Variants in CHGA observed in about 807,000 individuals in gnomAD.
The protein encoded by CHGA is chromogranin A.
In CHGA, 41 loss-of-function variants were observed where a neutral mutation model predicts 54.4. The ratio of observed to expected loss-of-function variants is 0.75; its 90% confidence interval spans 0.59 to 0.98. The LOEUF (loss-of-function observed/expected upper bound fraction) is 0.98. Among genes scored for constraint, CHGA ranks in the 50% least tolerant of loss-of-function variants. The probability of loss-of-function intolerance (pLI) is 0.00; values close to 1 mark genes in which losing one functional copy is unlikely to be tolerated. For synonymous variants in CHGA, 249 were observed against 232.8 expected, an observed-to-expected ratio of 1.07 and a Z score of -0.63; for missense variants, 576 against 582.3, an observed-to-expected ratio of 0.99 and a Z score of 0.11.
intron 7 of CHGA, among the ~76,000 whole-genome samples, chr14:92,933,417 C>T (rs972948196): frequency 6.6e-6 from 1 of 152,196 alleles, no homozygotes; most frequent in Non-Finnish European, 1.5e-5. Context: ...TAAGGAGTCT[C>T]CTCTGCCCAC....
chr14:92,923,351 G>T lies in CHGA; in HGVS notation c.-9G>T. The T allele has an allele frequency of 7.6e-7, 1 of 1,321,272 alleles. No homozygotes were observed. Among genetic ancestry groups the T allele is most frequent in the Non-Finnish European group, 9.6e-7 (1 of 1,038,634 alleles). The allele number at this position is 1,321,272 out of a possible 1,614,324, so 81.8% of individuals were successfully genotyped here. On this transcript the variant is annotated 5_prime_UTR_variant, in exon 1 of 8. Coordinates refer to ENST00000216492, the MANE Select transcript of CHGA (RefSeq NM_001275.4). ...CCACACCGCCAGCTGCTCGGCGCCC[G>T]GGTCCGCCATGCGCTCCGCCGCTGT... is the stretch of plus-strand genomic sequence containing the variant.
rs9658654 is a variant in CHGA, at chr14:92,931,420, G to A, written c.526G>A (p.Glu176Lys). The stretch of plus-strand genomic sequence containing the variant: ...TCAGGCCCCTGGGGAGGAAGAGGAG[G>A]AGGAGGAGGAGGCCACCAACACCCA... ...NNQAPGEEEE[E>K]EEEATNTHPP... Residue 176 changes from glutamate (E) to lysine (K), a missense_variant, in exon 6 of 8, where the codon GAG becomes AAG. Coordinates refer to ENST00000216492, the MANE Select transcript of CHGA (RefSeq NM_001275.4). 1,346 of 1,609,812 alleles carry A rather than the reference G, an allele frequency of 8.4e-4. 14 individuals carry two copies. In the African/African-American group the frequency reaches 0.015, roughly 18 times the overall value.
intron 5 of CHGA, 89 bp downstream of exon 5, chr14:92,929,904 G>T: frequency 2.0e-6 from 2 of 985,690 alleles, no homozygotes; most frequent in East Asian, 2.5e-5. Flanking sequence ...CCAGTGAGTC[G>T]GGAGCCCCAC....
rs1260675431 is a variant in CHGA, at chr14:92,923,257, C to T, written c.-103C>T. On this transcript the variant is annotated 5_prime_UTR_variant, in exon 1 of 8. Transcript: ENST00000216492. The stretch of plus-strand genomic sequence containing the variant: ...AGGCACTGCGCCCCCAGCCCCGCGC[C>T]GGTGCCACCGCAGCCCGACCCCGGC... The T allele has an allele frequency of 1.8e-6, 2 of 1,090,074 alleles. No homozygotes were observed. Among genetic ancestry groups the T allele is most frequent in the African/African-American group, 3.3e-5 (2 of 60,550 alleles). The allele number at this position is 1,090,074 out of a possible 1,614,324, so 67.5% of individuals were successfully genotyped here.
At chr14:92,930,547 G>A (rs547032748) in intron 5 of CHGA, among the ~76,000 whole-genome samples, 40 of 152,334 alleles carry the variant, frequency 2.6e-4, no homozygotes, top group African/African-American at 9.4e-4. Context: ...AAGAGATCCC[G>A]AGCTTGTCAT....
At position 92,932,694 on chromosome 14, in the gene CHGA, C is replaced by A; in HGVS notation, c.1133C>A (p.Ala378Asp). Residue 378 changes from alanine to aspartate, a missense_variant, in exon 7 of 8, where the codon GCC becomes GAC. By Grantham distance (126) the Ala-to-Asp change is moderately radical. Transcript: ENST00000216492. The surrounding 1 kb of genome is among the most constrained non-coding windows in gnomAD (Gnocchi z 5.3). Reference sequence around the variant, plus strand: ...AGTTCCATGAAGCTCTCCTTCCGGGCCCGGGCCTACGGCTTCAGGGGCCCT... The same window carrying A: ...AGTTCCATGAAGCTCTCCTTCCGGGACCGGGCCTACGGCTTCAGGGGCCCT... The part of the protein sequence containing the change: ...RDSSMKLSFR[A>D]RAYGFRGPGP... 2.5e-6 allele frequency: 4 copies of A among 1,610,600 alleles called. No homozygotes were observed. The highest frequency in any genetic ancestry group is 2.2e-5 in the East Asian group (1 of 44,814).
In CHGA at chr14:92,934,833, A is replaced by G. The variant is rs941581; in HGVS notation, c.1323A>G (p.Glu441=). The G allele has an allele frequency of 0.72, 1,149,079 of 1,584,946 alleles. 418,459 individuals are homozygous for G. The highest frequency in any genetic ancestry group is 0.95 in the East Asian group (40,891 of 43,218). ...DQELESLSAI[E]AELEKVAHQL... ...AGCTGGAGAGCCTGTCGGCCATTGA[A>G]GCAGAGCTGGAGAAAGTGGCCCACC... Residue 441 remains glutamate, a synonymous_variant, in exon 8 of 8, where the codon GAA becomes GAG. Coordinates refer to ENST00000216492, the MANE Select transcript of CHGA (RefSeq NM_001275.4).
In CHGA at chr14:92,923,333, G is replaced by A. The variant is rs1595058994; in HGVS notation, c.-27G>A. 7.6e-7 allele frequency: 1 copy of A among 1,321,014 alleles called. No individual in the cohort carries two copies. The allele number at this position is 1,321,014 out of a possible 1,614,324, so 81.8% of individuals were successfully genotyped here. A position where few individuals can be genotyped will look rare whatever the true frequency, so the allele number is the denominator to read the frequency against. The stretch of plus-strand genomic sequence containing the variant: ...GTGCCTAGGTGCCCGGCCCCACACC[G>A]CCAGCTGCTCGGCGCCCGGGTCCGC... On this transcript the variant is annotated 5_prime_UTR_variant, in exon 1 of 8. Coordinates refer to ENST00000216492, the MANE Select transcript of CHGA (RefSeq NM_001275.4).
Position 92,932,820 on chromosome 14 carries a change from A to G in CHGA, c.1259A>G (p.Glu420Gly). ...QVRGYPEEKK[E>G]EEGSANRRPE... The stretch of plus-strand genomic sequence containing the variant: ...CGAGGCTACCCCGAGGAGAAGAAAG[A>G]GGAGGAGGGCAGCGCAAACCGCAGA... The change falls in exon 7 of 8, where the codon GAG (glutamate) becomes GGG (glycine). Residue 420 changes from glutamate (E) to glycine (G), a missense_variant. Coordinates refer to ENST00000216492, the MANE Select transcript of CHGA (RefSeq NM_001275.4). This position sits in a 1 kb window ranked among gnomAD's most constrained non-coding sequence, Gnocchi z 5.3. The G allele has an allele frequency of 6.5e-7, 1 of 1,534,656 alleles. No homozygotes were observed.
intron 1 of CHGA, 90 bp from the exon 2 acceptor site, chr14:92,924,109 G>T (rs886309126): frequency 4.2e-6 from 6 of 1,422,964 alleles, no homozygotes; most frequent in African/African-American, 1.4e-5. Flanking sequence ...GGGTGGCATT[G>T]GGTGAACGGG....
rs755202160 is a variant in CHGA at position 92,931,358 on chromosome 14, C to T, written c.464C>T (p.Pro155Leu). Residue 155 changes from proline to leucine, a missense_variant, in exon 6 of 8, where the codon CCG becomes CTG. By Grantham distance (98) the Pro-to-Leu change is moderately conservative. Transcript: ENST00000216492. Reference protein sequence around the residue: ...ATDGARPQALPEPMQESKAEG... With the variant: ...ATDGARPQALLEPMQESKAEG... ...GACGGAGCCAGGCCCCAGGCCCTCC[C>T]GGAGCCCATGCAGGAGTCCAAGGCT... The T allele has an allele frequency of 1.2e-5, 20 of 1,613,398 alleles. No individual in the cohort carries two copies. Among genetic ancestry groups the T allele is most frequent in the Admixed American group, 5.0e-5 (3 of 59,978 alleles).
In CHGA at chr14:92,929,838, G is replaced by A. The variant is rs199977104; in HGVS notation, c.355+23G>A. 484 of 1,602,970 alleles carry A rather than the reference G, an allele frequency of 3.0e-4. 1 individual carries two copies. The highest frequency in any genetic ancestry group is 1.2e-4 in the Non-Finnish European group (139 of 1,173,038). Reference sequence around the variant, plus strand: ...AAGGTCTGTCCCAGCCGGTCTGGCCGGAGGTGGGGAAGGGAGGGTGGCAGT... The same window carrying A: ...AAGGTCTGTCCCAGCCGGTCTGGCCAGAGGTGGGGAAGGGAGGGTGGCAGT... On this transcript the variant is annotated intron_variant, in intron 5 of 7. Coordinates refer to ENST00000216492, the MANE Select transcript of CHGA (RefSeq NM_001275.4).
Position 92,931,687 on chromosome 14 carries a change from A to G in CHGA, c.793A>G (p.Ile265Val). ...NPHPSLGYKE[I>V]RKGESRSEAL... ...CCACCCGAGCCTTGGCTACAAGGAGATCCGGAAAGGCGAGAGTACGTATGA... is the reference window on the plus strand; with the variant it reads ...CCACCCGAGCCTTGGCTACAAGGAGGTCCGGAAAGGCGAGAGTACGTATGA... Residue 265 changes from isoleucine (I) to valine (V), a missense_variant, in exon 6 of 8, where the codon ATC becomes GTC. By Grantham distance (29) the Ile-to-Val change is conservative. Transcript: ENST00000216492. 1 of 1,576,944 alleles carries G rather than the reference A, an allele frequency of 6.3e-7. No individual in the cohort carries two copies.
At chr14:92,934,355 G>A (rs1373741456) in intron 7 of CHGA, among the ~76,000 whole-genome samples, 2 of 152,222 alleles carry the variant, frequency 1.3e-5, no homozygotes, top group East Asian at 3.9e-4. Context: ...ATGTAGCCCT[G>A]TCTCAGGCCC....
In CHGA at chr14:92,926,620, G is replaced by A. The variant is rs770661498; in HGVS notation, c.109G>A (p.Val37Ile). Reference sequence around the variant, plus strand: ...GTGTTCCCAGGTGATGAAATGCATCGTTGAGGTCATCTCCGACACACTTTC... The same window carrying A: ...GTGTTCCCAGGTGATGAAATGCATCATTGAGGTCATCTCCGACACACTTTC... ...KGDTEVMKCI[V>I]EVISDTLSKP... Residue 37 changes from valine (V) to isoleucine (I), a missense_variant, in exon 3 of 8, where the codon GTT (valine) becomes ATT (isoleucine). Physicochemically the swap from Val to Ile is conservative, Grantham distance 29. Transcript: ENST00000216492. The A allele has an allele frequency of 6.2e-6, 10 of 1,613,932 alleles. No homozygotes were observed. The highest frequency in any genetic ancestry group is 1.7e-4 in the Middle Eastern group (1 of 6,058).
chr14:92,926,747 G>C, intron 3 of CHGA, 49 bp downstream of exon 3: 1 of 1,498,922 alleles, frequency 6.7e-7, no homozygotes, highest in East Asian at 2.3e-5. Context: ...TGGGCTGGGA[G>C]GCTAGGACAT....
At chr14:92,933,692 C>G (rs993142380) in intron 7 of CHGA, among the ~76,000 whole-genome samples, 1 of 152,180 alleles carries the variant, frequency 6.6e-6, no homozygotes, top group Non-Finnish European at 1.5e-5. Context: ...GCCCCCGACC[C>G]CCTCTCTGGG....
chr14:92,927,739 G>GA, intron 4 of CHGA, 121 bp downstream of exon 4: 1 of 816,278 alleles, frequency 1.2e-6, no homozygotes, highest in Non-Finnish European at 2.0e-6. Context: ...TTATAAAGCG[G>GA]AAAAGCAGGA....
Position 92,923,250 on chromosome 14 carries a change from C to A in CHGA, c.-110C>A. The A allele has an allele frequency of 2.9e-6, 3 of 1,030,992 alleles. No individual in the cohort carries two copies. The highest frequency in any genetic ancestry group is 3.1e-4 in the Middle Eastern group (1 of 3,224). The allele number at this position is 1,030,992 out of a possible 1,614,324, so 63.9% of individuals were successfully genotyped here. A position where few individuals can be genotyped will look rare whatever the true frequency, so the allele number is the denominator to read the frequency against. On this transcript the variant is annotated 5_prime_UTR_variant, in exon 1 of 8. Coordinates refer to ENST00000216492, the MANE Select transcript of CHGA (RefSeq NM_001275.4). The stretch of plus-strand genomic sequence containing the variant: ...CACGCCGAGGCACTGCGCCCCCAGC[C>A]CCGCGCCGGTGCCACCGCAGCCCGA...
Sources: allele counts gnomAD v4.1 joint callset (sites outside exome capture counted in the v4.1 genomes callset), GRCh38; gene constraint gnomAD v4.1.1; non-coding constraint Gnocchi (gnomAD v3.1); transcripts MANE v1.5; gene names NCBI Gene and HGNC (gene_info 2026-07-23, HGNC 2026-07-21).